The following SLC5A2 variants were observed in gnomAD, a reference collection of about 807,000 sequenced individuals.
SLC5A2 encodes the protein solute carrier family 5 member 2, also known as sodium/glucose cotransporter 2.
Under a neutral mutation model 69.0 loss-of-function variants are expected in SLC5A2, and 67 were observed. That is an observed-to-expected ratio of 0.97 (90% CI 0.80 to 1.19). SLC5A2 has a LOEUF of 1.19. Among genes scored for constraint, SLC5A2 ranks in the 50% most tolerant of loss-of-function variants. The pLI is 0.00. For missense variants in SLC5A2, 1,001 were observed against 921.5 expected (o/e 1.09, Z -1.12); for synonymous variants, 455 against 395.8 (o/e 1.15, Z -1.78).
At chr16:31,485,655 G>C in intron 3 of SLC5A2, 74 bp from the exon 4 acceptor site, 8 of 1,582,164 alleles carry the variant, frequency 5.1e-6, no homozygotes, top group Non-Finnish European at 6.9e-6. Context: ...GCTTGGAGTA[G>C]CACCTTCACG....
At chr16:31,484,951 C>A in intron 3 of SLC5A2, 28 bp downstream of exon 3, 2 of 1,590,774 alleles carry the variant, frequency 1.3e-6, no homozygotes, top group East Asian at 2.2e-5. Context: ...CCAATAACCC[C>A]ACCCTCAGTG....
In SLC5A2 at chr16:31,483,207, C is replaced by T; in HGVS notation, c.71C>T (p.Ala24Val). Residue 24 changes from alanine to valine, a missense_variant, in exon 1 of 14, where the codon GCT becomes GTT. Coordinates refer to ENST00000330498, the MANE Select transcript of SLC5A2 (RefSeq NM_003041.4). ...GAQKALIDNP[A>V]DILVIAAYFL... ...CAGAAGGCCCTGATTGACAATCCTG[C>T]TGACATCCTAGTCATTGCTGCATAT... 6.2e-7 allele frequency: 1 copy of T among 1,614,062 alleles called. No homozygotes were observed.
chr16:31,483,840 G>C (rs945818773), intron 1 of SLC5A2, among the ~76,000 whole-genome samples: 16 of 151,982 alleles, frequency 1.1e-4, no homozygotes, highest in African/African-American at 2.9e-4. Context: ...TTCTGCCTCT[G>C]CCTCCCAAAG....
chr16:31,487,507 C>T, intron 6 of SLC5A2, 23 bp from the exon 7 acceptor site: 2 of 1,612,696 alleles, frequency 1.2e-6, no homozygotes, highest in Non-Finnish European at 1.7e-6. Flanking sequence ...TAAGGAGGGT[C>T]CCCTGACGGC....
intron 9 of SLC5A2, 46 bp from the exon 10 acceptor site, chr16:31,488,576 C>G: frequency 6.2e-7 from 1 of 1,608,794 alleles, no homozygotes; most frequent in Non-Finnish European, 8.5e-7. Flanking sequence ...TGCAGCCGCC[C>G]TGGACCCCCA....
In SLC5A2 at chr16:31,489,042, T is replaced by C. The variant is rs754133796; in HGVS notation, c.1443T>C (p.Asn481=). ...TGGCGCTCTTCGTGCCGCGCGTTAA[T>C]GAGCAGGTGAGCGGCACGCGCGTGG... The part of the protein sequence containing the change: ...FVLALFVPRV[N]EQGAFWGLIG... The change falls in exon 11 of 14, where the codon AAT becomes AAC. Residue 481 remains asparagine, a synonymous_variant. Transcript: ENST00000330498. 1.9e-5 allele frequency: 31 copies of C among 1,601,144 alleles called. No homozygotes were observed. The highest frequency in any genetic ancestry group is 2.5e-5 in the Non-Finnish European group (30 of 1,179,844).
At chr16:31,486,064 TG>T in intron 4 of SLC5A2, 105 bp from the exon 5 acceptor site, 1 of 1,208,758 alleles carries the variant, frequency 8.3e-7, no homozygotes, top group Non-Finnish European at 1.2e-6. Flanking sequence ...TGCTGGGACC[TG>T]GAAAAATGGA....
chr16:31,490,050 G>A, intron 12 of SLC5A2, 54 bp from the exon 13 acceptor site: 1 of 1,610,368 alleles, frequency 6.2e-7, no homozygotes. Context: ...AGACTTTAGG[G>A]CCAGGCATGG....
chr16:31,485,810 C>T lies in SLC5A2; in HGVS notation c.385C>T (p.Leu129=), dbSNP rs775633855. Residue 129 remains leucine (L), a synonymous_variant, in exon 4 of 14, where the codon CTG becomes TTG. Coordinates refer to ENST00000330498, the MANE Select transcript of SLC5A2 (RefSeq NM_003041.4). Reference sequence around the variant, plus strand: ...GGGGGTCATCACGATGCCACAGTACCTGCGCAAGCGCTTCGGCGGCCGCCG... The same window carrying T: ...GGGGGTCATCACGATGCCACAGTACTTGCGCAAGCGCTTCGGCGGCCGCCG... ...TAGVITMPQY[L]RKRFGGRRIR... 1 of 1,613,604 alleles carries T rather than the reference C, an allele frequency of 6.2e-7. No homozygotes were observed. Among genetic ancestry groups the T allele is most frequent in the Non-Finnish European group, 8.5e-7 (1 of 1,180,026 alleles).
intron 5 of SLC5A2, among the ~76,000 whole-genome samples, chr16:31,486,641 C>T (rs947247537): frequency 2.0e-5 from 3 of 152,174 alleles, no homozygotes; most frequent in Non-Finnish European, 2.9e-5. Context: ...AGGTCAGATG[C>T]GGACCAGAGT....
chr16:31,487,469 C>A (rs2082505501), intron 6 of SLC5A2, 61 bp from the exon 7 acceptor site: 1 of 1,609,348 alleles, frequency 6.2e-7, no homozygotes, highest in Non-Finnish European at 8.5e-7. Context: ...GCGCGCGGGG[C>A]CGTTGCGCGT....
In SLC5A2 at chr16:31,488,915, C is replaced by A; in HGVS notation, c.1316C>A (p.Ala439Asp). Residue 439 changes from alanine (A) to aspartate (D), a missense_variant, in exon 11 of 14, where the codon GCC (alanine) becomes GAC (aspartate). By Grantham distance (126) the Ala-to-Asp change is moderately radical (BLOSUM62 -2). Coordinates refer to ENST00000330498, the MANE Select transcript of SLC5A2 (RefSeq NM_003041.4). ...GTGTTCATCGTGGTAGTGTCGGTGGCCTGGCTTCCCGTGGTGCAGGCGGCA... is the reference window on the plus strand; with the variant it reads ...GTGTTCATCGTGGTAGTGTCGGTGGACTGGCTTCCCGTGGTGCAGGCGGCA... ...WVVFIVVVSV[A>D]WLPVVQAAQG... 1 of 1,605,152 alleles carries A rather than the reference C, an allele frequency of 6.2e-7. No homozygotes were observed.
At position 31,489,002 on chromosome 16, in the gene SLC5A2, C is replaced by T; in HGVS notation, c.1403C>T (p.Ser468Phe). The change falls in exon 11 of 14, where the codon TCC (serine) becomes TTC (phenylalanine). Residue 468 changes from serine to phenylalanine, a missense_variant. Coordinates refer to ENST00000330498, the MANE Select transcript of SLC5A2 (RefSeq NM_003041.4). ...AVSSYLAPPV[S>F]AVFVLALFVP... The stretch of plus-strand genomic sequence containing the variant: ...TCTAGCTACCTGGCACCGCCCGTGT[C>T]CGCCGTCTTCGTGCTGGCGCTCTTC... 6.2e-7 allele frequency: 1 copy of T among 1,600,708 alleles called. No homozygotes were observed. The highest frequency in any genetic ancestry group is 8.5e-7 in the Non-Finnish European group (1 of 1,179,838).
At chr16:31,485,498 G>A in intron 3 of SLC5A2, 1 of 599,686 alleles carries the variant, frequency 1.7e-6, no homozygotes, top group Non-Finnish European at 3.0e-6. Context: ...GGAAAAACGG[G>A]CCAGAAGTGA....
At chr16:31,485,653 T>C in intron 3 of SLC5A2, 76 bp from the exon 4 acceptor site, 1 of 1,579,902 alleles carries the variant, frequency 6.3e-7, no homozygotes, top group African/African-American at 1.3e-5. Context: ...TTGCTTGGAG[T>C]AGCACCTTCA....
intron 5 of SLC5A2, among the ~76,000 whole-genome samples, chr16:31,486,769 G>T (rs964421111): frequency 6.6e-6 from 1 of 152,148 alleles, no homozygotes; most frequent in African/African-American, 2.4e-5. Flanking sequence ...ACTGGGGCCG[G>T]CTGGGAGCGG....
rs533809835 is a variant in SLC5A2 at position 31,488,220 on chromosome 16, C to A, written c.1021+47C>A. On this transcript the variant is annotated intron_variant, in intron 8 of 13. Transcript: ENST00000330498. ...TTTCCTGTGCCAGCAACCGGGCGCC[C>A]GTCGCCCAGTTCCGTCACCCTCCTA... 1.5e-5 allele frequency: 25 copies of A among 1,613,538 alleles called. 1 individual carries two copies. In the South Asian group the frequency reaches 2.4e-4, roughly 16 times the overall value.
chr16:31,488,584 C>T (rs1323197893), intron 9 of SLC5A2, 38 bp from the exon 10 acceptor site: 2 of 1,609,550 alleles, frequency 1.2e-6, no homozygotes, highest in Admixed American at 3.3e-5. Context: ...CCCTGGACCC[C>T]CAGTGGCCCC....
chr16:31,487,882 G>T, intron 7 of SLC5A2, 123 bp downstream of exon 7: 1 of 1,404,076 alleles, frequency 7.1e-7, no homozygotes, highest in South Asian at 1.3e-5. Context: ...GAACCCCTCG[G>T]GTTGGTGCTA....
Sources: allele counts gnomAD v4.1 joint callset (sites outside exome capture counted in the v4.1 genomes callset), GRCh38; gene constraint gnomAD v4.1.1; transcripts MANE v1.5; gene names NCBI Gene and HGNC (gene_info 2026-07-23, HGNC 2026-07-21).